The following CSMD1 variants were observed in gnomAD, a reference collection of about 807,000 sequenced individuals.
The protein encoded by CSMD1 is CUB and sushi domain-containing protein 1.
Under a neutral mutation model 417.5 loss-of-function variants are expected in CSMD1, and 213 were observed. The observed-to-expected ratio is 0.51, with a 90% CI of 0.46 to 0.57. The LOEUF (loss-of-function observed/expected upper bound fraction) is 0.57, where lower values mean the gene tolerates loss of function less well. Ranked by LOEUF, CSMD1 falls within the 20% of genes least tolerant of loss-of-function variation. CSMD1 has a pLI of 0.00. For synonymous variants in CSMD1, 2,862 were observed against 1,736.8 expected (o/e 1.65, Z -16.11); for missense variants, 6,923 against 4,529.7 (o/e 1.53, Z -15.17).
chr8:3,862,525 A>G (rs1053891519), intron 5 of CSMD1, among the ~76,000 whole-genome samples: 2 of 152,214 alleles, frequency 1.3e-5, no homozygotes, highest in African/African-American at 4.8e-5. Flanking sequence ...GTTTGCTACC[A>G]TAAAATTCAC....
chr8:3,037,320 C>T (rs1257750046), intron 50 of CSMD1, among the ~76,000 whole-genome samples: 3 of 128,958 alleles, frequency 2.3e-5, no homozygotes, highest in Non-Finnish European at 5.4e-5. Flanking sequence ...ATTCTCCTGC[C>T]TCAGCCTCCC....
rs530851199 is a variant in CSMD1 at position 4,625,944 on chromosome 8, G to A, written c.302+11398C>T. 3.5e-3 allele frequency among the ~76,000 whole-genome samples: 526 copies of A among 152,174 alleles called. 2 individuals are homozygous for A. Among genetic ancestry groups the A allele is most frequent in the Non-Finnish European group, 5.6e-3 (384 of 68,004 alleles). On this transcript the variant is annotated intron_variant, in intron 2 of 69. Coordinates refer to ENST00000635120, the MANE Select transcript of CSMD1 (RefSeq NM_033225.6). ...TCACCATGTTGGCCAGGCTGGTCTC[G>A]AACTCCTGACCTCTAGTGATCTGCC... is the stretch of plus-strand genomic sequence containing the variant.
intron 3 of CSMD1, among the ~76,000 whole-genome samples, chr8:4,071,424 T>TA (rs1799552338): frequency 3.9e-5 from 6 of 152,184 alleles, no homozygotes; most frequent in African/African-American, 1.2e-4. Context: ...TTTAGATATT[T>TA]AATTATTCAT....
At position 3,586,151 on chromosome 8, in the gene CSMD1, T is replaced by G. The variant is rs762296751; in HGVS notation, c.1207A>C (p.Arg403=). 1.9e-6 allele frequency: 3 copies of G among 1,612,568 alleles called. No individual in the cohort carries two copies. The change falls in exon 9 of 70, where the codon AGG becomes CGG. Residue 403 remains arginine, a synonymous_variant. Transcript: ENST00000635120. The part of the protein sequence containing the change: ...TETLAAWSDH[R]PICRARTCGS... ...GGTGCCTTACCTCGGCAGATGGGCC[T>G]GTGGTCACTCCAAGCAGCGAGCGTC...
At chr8:3,155,358 G>GGTTTTTTTTTTTTTTTT (rs763097673) in intron 39 of CSMD1, among the ~76,000 whole-genome samples, 2 of 48,094 alleles carry the variant, frequency 4.2e-5, no homozygotes, top group Non-Finnish European at 8.4e-5. Flanking sequence ...TCAAGGCTGG[G>GGTTTTTTTTTTTTTTTT]ATTTTTTTTT....
At chr8:4,403,126 C>A (rs955694828) in intron 3 of CSMD1, among the ~76,000 whole-genome samples, 2 of 151,814 alleles carry the variant, frequency 1.3e-5, no homozygotes, top group African/African-American at 4.8e-5. Flanking sequence ...CCACTGCCCC[C>A]GGCCAAAATG....
At chr8:4,872,890 C>T (rs1456187799) in intron 1 of CSMD1, among the ~76,000 whole-genome samples, 2 of 151,998 alleles carry the variant, frequency 1.3e-5, no homozygotes, top group African/African-American at 4.8e-5. Context: ...CTGGCGAATA[C>T]TTTGTGCGAT....
At chr8:3,321,073 C>G (rs77235186) in intron 23 of CSMD1, among the ~76,000 whole-genome samples, 2 of 152,300 alleles carry the variant, frequency 1.3e-5, no homozygotes, top group Non-Finnish European at 2.9e-5. Flanking sequence ...TCTCTTCCAC[C>G]TTTGCCTCCC....
rs201300571 is a variant in CSMD1 at position 3,396,261 on chromosome 8, G to C, written c.2526C>G (p.Asn842Lys). The change falls in exon 17 of 70, where the codon AAC (asparagine) becomes AAG (lysine). Residue 842 changes from asparagine to lysine, a missense_variant. Asn to Lys is a moderately conservative substitution (Grantham distance 94). Transcript: ENST00000635120. ...QAPQFLISTG[N>K]FMYLLFTTDN... is the part of the protein sequence containing the mutation. ...CAGTGGTGAACAGCAGGTACATGAA[G>C]TTCCCGGTGCTGATGAGGAACTGGG... 115 of 1,586,956 alleles carry C rather than the reference G, an allele frequency of 7.2e-5. 1 individual carries two copies. Among genetic ancestry groups the C allele is most frequent in the Non-Finnish European group, 8.6e-5 (100 of 1,166,476 alleles).
At chr8:3,578,237 G>C (rs1800233100) in intron 9 of CSMD1, among the ~76,000 whole-genome samples, 1 of 152,274 alleles carries the variant, frequency 6.6e-6, no homozygotes, top group Middle Eastern at 3.4e-3. Context: ...AAGAGTTAGA[G>C]AAGAAAATGG....
At chr8:3,358,016 A>G (rs187131294) in intron 21 of CSMD1, among the ~76,000 whole-genome samples, 62 of 152,336 alleles carry the variant, frequency 4.1e-4, no homozygotes, top group Admixed American at 1.3e-3. Context: ...GAGTTACATA[A>G]TATCCCTAAG....
At chr8:4,695,657 G>A (rs1807080617) in intron 1 of CSMD1, among the ~76,000 whole-genome samples, 1 of 152,046 alleles carries the variant, frequency 6.6e-6, no homozygotes, top group Non-Finnish European at 1.5e-5. Context: ...GCATTTGTTA[G>A]AACCTATAGA....
chr8:3,650,366 G>A (rs1797791332), intron 7 of CSMD1, among the ~76,000 whole-genome samples: 1 of 152,118 alleles, frequency 6.6e-6, no homozygotes, highest in African/African-American at 2.4e-5. Context: ...TTACTTACAT[G>A]TGTTACCATG....
At chr8:4,044,690 C>G (rs1027266004) in intron 3 of CSMD1, among the ~76,000 whole-genome samples, 3 of 152,098 alleles carry the variant, frequency 2.0e-5, no homozygotes, top group Admixed American at 2.0e-4. Context: ...ACCTACAATC[C>G]TGGCTGCGTA....
At chr8:3,193,338 A>G (rs576783489) in intron 33 of CSMD1, among the ~76,000 whole-genome samples, 1 of 152,198 alleles carries the variant, frequency 6.6e-6, no homozygotes. Flanking sequence ...AACAAGACGA[A>G]AAATGTTTTT....
intron 5 of CSMD1, among the ~76,000 whole-genome samples, chr8:3,942,299 C>T (rs1241339972): frequency 1.3e-5 from 2 of 152,098 alleles, no homozygotes; most frequent in Non-Finnish European, 2.9e-5. Flanking sequence ...TGAAACCAAT[C>T]CCTCCTCTTC....
intron 1 of CSMD1, among the ~76,000 whole-genome samples, chr8:4,818,253 C>T (rs992779332): frequency 4.6e-5 from 7 of 151,980 alleles, no homozygotes; most frequent in African/African-American, 7.2e-5. Flanking sequence ...TTCTTTGTAA[C>T]GATTTTCTCG....
chr8:3,460,382 T>A (rs1351947398), intron 12 of CSMD1, among the ~76,000 whole-genome samples: 1 of 152,188 alleles, frequency 6.6e-6, no homozygotes, highest in Non-Finnish European at 1.5e-5. Flanking sequence ...AGATGGAATC[T>A]GGAAACCACT....
chr8:4,904,143 G>A (rs1044688742), intron 1 of CSMD1, among the ~76,000 whole-genome samples: 1 of 152,146 alleles, frequency 6.6e-6, no homozygotes, highest in Admixed American at 6.5e-5. Context: ...GGAGTCAGAG[G>A]AAGTCAGGGC....
Sources: allele counts gnomAD v4.1 joint callset (sites outside exome capture counted in the v4.1 genomes callset), GRCh38; gene constraint gnomAD v4.1.1; transcripts MANE v1.5; gene names NCBI Gene and HGNC (gene_info 2026-07-23, HGNC 2026-07-21).